The following ETFDH variants were observed in gnomAD, a reference collection of about 807,000 sequenced individuals.
ETFDH encodes electron transfer flavoprotein-ubiquinone oxidoreductase, mitochondrial.
In ETFDH, 61 loss-of-function variants were observed where a neutral mutation model predicts 73.2. That is an observed-to-expected ratio of 0.83 (90% CI 0.68 to 1.03). The LOEUF is 1.03. ETFDH is among the 50% of genes least tolerant of loss of function. The pLI is 0.00. For synonymous variants in ETFDH, 243 were observed against 253.3 expected (o/e 0.96, Z 0.39); for missense variants, 685 against 745.0 (o/e 0.92, Z 0.94).
Position 158,688,872 on chromosome 4 carries a change from G to GA in ETFDH, c.607-1471dup, listed in dbSNP as rs567541307. 1.2e-4 allele frequency among the ~76,000 whole-genome samples: 19 copies of GA among 152,196 alleles called. No homozygotes were observed. The South Asian group carries it at 3.9e-3, about 32-fold the overall frequency. On this transcript the variant is annotated intron_variant, in intron 5 of 12. Coordinates refer to ENST00000511912, the MANE Select transcript of ETFDH (RefSeq NM_004453.4). Reference sequence around the variant, plus strand: ...ACATGTTAACTGTTTTTACTCTAAGGAAAAATAAAATATCTCGTTTTTTTG... The same window carrying GA: ...ACATGTTAACTGTTTTTACTCTAAGGAAAAAATAAAATATCTCGTTTTTTTG...
rs1773807376 is a variant in ETFDH at position 158,680,084 on chromosome 4, C to CAAAAAAAAAAAATAA, written c.35-371_35-370insTAAAAAAAAAAAAAA. 2 of 63,058 alleles carry CAAAAAAAAAAAATAA rather than the reference C, an allele frequency of 3.2e-5. 1 individual carries two copies. Among genetic ancestry groups the CAAAAAAAAAAAATAA allele is most frequent in the Non-Finnish European group, 5.8e-5 (2 of 34,286 alleles). The allele number at this position is 63,058 out of a possible 1,614,324, so 3.9% of individuals were successfully genotyped here. The stretch of plus-strand genomic sequence containing the variant: ...TGGGTGACAGAGTGAGACTCTGTCT[C>CAAAAAAAAAAAATAA]AAAAAAAAAAAAAAAAAGAAGAAGA... On this transcript the variant is annotated intron_variant, in intron 1 of 12. Transcript: ENST00000511912.
intron 4 of ETFDH, 184 bp from the exon 5 acceptor site, chr4:158,684,917 A>G: frequency 3.2e-6 from 2 of 620,204 alleles, no homozygotes; most frequent in Non-Finnish European, 5.8e-6. Flanking sequence ...TAGTGCTTTA[A>G]TGTTGTTTGT....
intron 5 of ETFDH, among the ~76,000 whole-genome samples, chr4:158,688,445 G>T (rs990600915): frequency 1.7e-4 from 26 of 149,412 alleles, no homozygotes; most frequent in African/African-American, 6.2e-4. Flanking sequence ...CAGCACTTTG[G>T]AAGGCTGAGG....
intron 5 of ETFDH, among the ~76,000 whole-genome samples, chr4:158,687,081 C>G (rs1175811584): frequency 6.6e-6 from 1 of 152,098 alleles, no homozygotes; most frequent in African/African-American, 2.4e-5. Context: ...CATACAGCAA[C>G]CTGGGACAAA....
chr4:158,684,676 A>T lies in ETFDH; in HGVS notation c.487+3A>T, dbSNP rs1444215215. The T allele has an allele frequency of 6.8e-7, 1 of 1,464,140 alleles. No individual in the cohort carries two copies. Among genetic ancestry groups the T allele is most frequent in the Non-Finnish European group, 9.6e-7 (1 of 1,043,148 alleles). 90.7% of individuals were successfully genotyped at this position (1,464,140 alleles called of 1,614,324 possible). A position where few individuals can be genotyped will look rare whatever the true frequency, so the allele number is the denominator to read the frequency against. ...AATTCCTGTGCCAATTCTTCCAGGT[A>T]AGGTATAGTGAATATGCATAGAACT... On this transcript the variant is annotated splice_donor_region_variant and intron_variant, in intron 4 of 12. Coordinates refer to ENST00000511912, the MANE Select transcript of ETFDH (RefSeq NM_004453.4).
chr4:158,682,150 G>A (rs1289094138), intron 2 of ETFDH, 45 bp from the exon 3 acceptor site: 22 of 1,611,112 alleles, frequency 1.4e-5, no homozygotes, highest in Non-Finnish European at 1.8e-5. Flanking sequence ...GATTTATCAT[G>A]TGATTATTGG....
rs1313209472 is a variant in ETFDH at position 158,673,460 on chromosome 4, A to G, written c.34+970A>G. ...ACAGAAAAGTTCCCTAAAGGATCTC[A>G]TATTCTGTCATAACTGGCTTAATTT... On this transcript the variant is annotated intron_variant, in intron 1 of 12. Coordinates refer to ENST00000511912, the MANE Select transcript of ETFDH (RefSeq NM_004453.4). Among the ~76,000 whole-genome samples the G allele has an allele frequency of 5.3e-5, 8 of 152,338 alleles. No individual in the cohort carries two copies. In the East Asian group the frequency reaches 1.3e-3, roughly 26 times the overall value.
rs1774709602 is a variant in ETFDH at position 158,708,614 on chromosome 4, A to G, written c.*87A>G. The G allele has an allele frequency of 9.4e-7, 1 of 1,068,212 alleles. No homozygotes were observed. The highest frequency in any genetic ancestry group is 1.6e-5 in the African/African-American group (1 of 63,984). 66.2% of individuals were successfully genotyped at this position (1,068,212 alleles called of 1,614,324 possible). On this transcript the variant is annotated 3_prime_UTR_variant, in exon 13 of 13. Coordinates refer to ENST00000511912, the MANE Select transcript of ETFDH (RefSeq NM_004453.4). Reference sequence around the variant, plus strand: ...CAGATTTCAGAATGTCTTTCTGCATATTACTGAACAGAATAGTCACAAAAT... The same window carrying G: ...CAGATTTCAGAATGTCTTTCTGCATGTTACTGAACAGAATAGTCACAAAAT...
chr4:158,673,832 A>G (rs1382370069), intron 1 of ETFDH, among the ~76,000 whole-genome samples: 1 of 152,220 alleles, frequency 6.6e-6, no homozygotes, highest in Non-Finnish European at 1.5e-5. Flanking sequence ...GCCTGCTGGC[A>G]TGAAAGAGGT....
rs763002171 is a variant in ETFDH, at chr4:158,697,679, C to A, written c.952C>A (p.Leu318Ile). Residue 318 changes from leucine (L) to isoleucine (I), a missense_variant, in exon 8 of 13, where the codon CTA becomes ATA. This residue lies in a region of ETFDH where 405 missense variants were observed against 399.3 expected (regional missense o/e 1.01). Transcript: ENST00000511912. ...FLYHLNEGEP[L>I]VALGLVVGLD... ...CTATCATTTGAATGAAGGTGAACCC[C>A]TAGTAGCTCTTGGTCTTGTGGTAAG... The A allele has an allele frequency of 2.5e-6, 4 of 1,613,770 alleles. No individual in the cohort carries two copies. In the Admixed American group the frequency reaches 6.7e-5, roughly 27 times the overall value.
At chr4:158,699,407 A>C (rs894968113) in intron 9 of ETFDH, among the ~76,000 whole-genome samples, 4 of 152,102 alleles carry the variant, frequency 2.6e-5, no homozygotes, top group Non-Finnish European at 5.9e-5. Flanking sequence ...CCATCTCTAC[A>C]ACAAATGGAA....
In ETFDH at chr4:158,682,427, A is replaced by G. The variant is rs796051965; in HGVS notation, c.405+3A>G. On this transcript the variant is annotated splice_donor_region_variant and intron_variant, in intron 3 of 12. Transcript: ENST00000511912. ...TCCCAGACTGGAAAGAGAAGGGGGT[A>G]TGAAAAATTGTTTTTTATACAAAGT... 7 of 1,611,364 alleles carry G rather than the reference A, an allele frequency of 4.3e-6. No individual in the cohort carries two copies. The highest frequency in any genetic ancestry group is 1.3e-5 in the African/African-American group (1 of 74,886).
chr4:158,701,043 G>A (rs567916081), intron 9 of ETFDH: 62 of 152,256 alleles, frequency 4.1e-4, no homozygotes, highest in African/African-American at 1.4e-3. Flanking sequence ...TCCCCTAGTA[G>A]GTTTCTAATT....
chr4:158,685,270 A>T, intron 5 of ETFDH, 51 bp downstream of exon 5: 1 of 938,794 alleles, frequency 1.1e-6, no homozygotes, highest in Non-Finnish European at 1.8e-6. Context: ...CTCTTTTTTT[A>T]ATAAGTGGAG....
rs145088144 is a variant in ETFDH at position 158,698,890 on chromosome 4, T to C, written c.973-97T>C. 579 of 867,848 alleles carry C rather than the reference T, an allele frequency of 6.7e-4. 2 individuals are homozygous for C. In the African/African-American group the frequency reaches 7.7e-3, roughly 12 times the overall value. The allele number at this position is 867,848 out of a possible 1,614,324, so 53.8% of individuals were successfully genotyped here. A position where few individuals can be genotyped will look rare whatever the true frequency, so the allele number is the denominator to read the frequency against. On this transcript the variant is annotated intron_variant, in intron 8 of 12. Coordinates refer to ENST00000511912, the MANE Select transcript of ETFDH (RefSeq NM_004453.4). ...TCCAAATACTTTTGAGTAAAAGAAA[T>C]TTAACCTACATGTTTTCTGATAAAC...
At chr4:158,708,280 G>A (rs1774691358) in intron 12 of ETFDH, 84 bp from the exon 13 acceptor site, 5 of 997,650 alleles carry the variant, frequency 5.0e-6, no homozygotes, top group Middle Eastern at 3.2e-4. Flanking sequence ...GGTTTCTGTG[G>A]CTACTCTTTC....
intron 2 of ETFDH, 136 bp from the exon 3 acceptor site, chr4:158,682,059 A>C: frequency 8.8e-7 from 1 of 1,141,350 alleles, no homozygotes; most frequent in Non-Finnish European, 1.3e-6. Context: ...AATATGCTTA[A>C]TATAATTATT....
intron 6 of ETFDH, among the ~76,000 whole-genome samples, chr4:158,694,144 G>A (rs866921296): frequency 2.6e-4 from 39 of 152,032 alleles, no homozygotes; most frequent in Middle Eastern, 3.2e-3. Context: ...TCTGTCTATG[G>A]CTAGTCCAAA....
Position 158,672,488 on chromosome 4 carries a change from T to C in ETFDH, c.32T>C (p.Leu11Pro), listed in dbSNP as rs951587618. 1.2e-6 allele frequency: 2 copies of C among 1,613,938 alleles called. No homozygotes were observed. The highest frequency in any genetic ancestry group is 2.7e-5 in the African/African-American group (2 of 74,898). ...GTGCCGCTAGCCAAGCTGTCCTGCC[T>C]GGGTGAGAGGAAACGGGCGGTGGGG... MLVPLAKLSC[L>P]AYQCFHALKI... The change falls in exon 1 of 13, where the codon CTG (leucine) becomes CCG (proline). Residue 11 changes from leucine (L) to proline (P), a missense_variant and splice_region_variant. By Grantham distance (98) the Leu-to-Pro change is moderately conservative (BLOSUM62 -3). Coordinates refer to ENST00000511912, the MANE Select transcript of ETFDH (RefSeq NM_004453.4).
Sources: allele counts gnomAD v4.1 joint callset (sites outside exome capture counted in the v4.1 genomes callset), GRCh38; gene constraint gnomAD v4.1.1; regional missense constraint gnomAD v4.1.1; transcripts MANE v1.5; gene names NCBI Gene and HGNC (gene_info 2026-07-23, HGNC 2026-07-21).